The following NEK10 variants were observed in gnomAD, a reference collection of about 807,000 sequenced individuals.
NEK10 encodes the protein NIMA related kinase 10.
NEK10 carries 122 observed loss-of-function variants against 159.8 expected under a neutral mutation model. That is an observed-to-expected ratio of 0.76 (90% CI 0.66 to 0.89). The LOEUF (loss-of-function observed/expected upper bound fraction) is 0.89, where lower values mean the gene tolerates loss of function less well. NEK10 is among the 40% of genes least tolerant of loss of function. The pLI, the probability that NEK10 is intolerant of heterozygous loss-of-function variation, is 0.00. For missense variants in NEK10, 1,342 were observed against 1,323.1 expected, an observed-to-expected ratio of 1.01 and a Z score of -0.22; for synonymous variants, 466 against 457.1, an observed-to-expected ratio of 1.02 and a Z score of -0.25.
At chr3:27,173,279 T>G (rs926801147) in intron 28 of NEK10, among the ~76,000 whole-genome samples, 3 of 152,124 alleles carry the variant, frequency 2.0e-5, no homozygotes, top group Non-Finnish European at 2.9e-5. Flanking sequence ...ATATGCAAAT[T>G]TAAGGGTCAA....
intron 23 of NEK10, among the ~76,000 whole-genome samples, chr3:27,224,235 A>G (rs1952404467): frequency 6.6e-6 from 1 of 152,214 alleles, no homozygotes; most frequent in South Asian, 2.1e-4. Flanking sequence ...TAGCCTGTTC[A>G]ATGGACAGTC....
At chr3:27,242,526 C>T (rs990511998) in intron 23 of NEK10, among the ~76,000 whole-genome samples, 15 of 151,286 alleles carry the variant, frequency 9.9e-5, no homozygotes, top group African/African-American at 3.7e-4. Flanking sequence ...AGGATTGGGC[C>T]CAGGCAATCC....
intron 26 of NEK10, among the ~76,000 whole-genome samples, chr3:27,182,939 G>A (rs1948263991): frequency 1.3e-5 from 2 of 151,836 alleles, no homozygotes; most frequent in South Asian, 4.1e-4. Context: ...GGAGAGGAGA[G>A]GGGGGATAAA....
chr3:27,291,446 A>T, intron 17 of NEK10, 38 bp downstream of exon 17: 9 of 1,603,736 alleles, frequency 5.6e-6, no homozygotes, highest in Non-Finnish European at 7.7e-6. Flanking sequence ...TCCTGACTAC[A>T]TAGCAGCCTG....
At chr3:27,364,990 C>T (rs2149903119) in intron 1 of NEK10, among the ~76,000 whole-genome samples, 1 of 152,256 alleles carries the variant, frequency 6.6e-6, no homozygotes, top group South Asian at 2.1e-4. Flanking sequence ...TGCCAAGGTC[C>T]CACAGCTGGT....
chr3:27,344,672 A>T (rs1162231633), intron 4 of NEK10, among the ~76,000 whole-genome samples: 1 of 152,166 alleles, frequency 6.6e-6, no homozygotes, highest in Non-Finnish European at 1.5e-5. Context: ...TAATGGCTAA[A>T]ATTGGTTGGA....
intron 25 of NEK10, among the ~76,000 whole-genome samples, chr3:27,198,770 G>T (rs1949777957): frequency 6.6e-6 from 1 of 152,004 alleles, no homozygotes; most frequent in Non-Finnish European, 1.5e-5. Context: ...GATACCAAAA[G>T]CAAAAATTGA....
At chr3:27,139,291 T>A (rs766875906) in intron 31 of NEK10, among the ~76,000 whole-genome samples, 4 of 152,168 alleles carry the variant, frequency 2.6e-5, no homozygotes, top group Non-Finnish European at 5.9e-5. Flanking sequence ...TGCCACTCTG[T>A]GTCTGAGAAC....
chr3:27,300,218 T>C (rs35908591), intron 13 of NEK10, among the ~76,000 whole-genome samples: 3,119 of 152,284 alleles, frequency 0.02, 56 homozygotes, highest in Non-Finnish European at 0.029. Context: ...TTTCCTGTGC[T>C]GTTCTCATGA....
chr3:27,166,174 T>A (rs969038554), intron 29 of NEK10, among the ~76,000 whole-genome samples: 5 of 152,190 alleles, frequency 3.3e-5, no homozygotes, highest in African/African-American at 1.2e-4. Context: ...CATAAATATG[T>A]CCTGTGTGAA....
intron 30 of NEK10, among the ~76,000 whole-genome samples, chr3:27,158,167 G>T (rs544470861): frequency 6.6e-6 from 1 of 152,074 alleles, no homozygotes; most frequent in African/African-American, 2.4e-5. Flanking sequence ...TGCAATGAAG[G>T]TGCTTACAAT....
At chr3:27,297,482 T>C (rs2043442060) in intron 13 of NEK10, among the ~76,000 whole-genome samples, 1 of 152,246 alleles carries the variant, frequency 6.6e-6, no homozygotes, top group Non-Finnish European at 1.5e-5. Flanking sequence ...CAACCATTTA[T>C]TGAGCACTTT....
chr3:27,112,124 C>T (rs1218350804), intron 35 of NEK10, among the ~76,000 whole-genome samples: 1 of 152,160 alleles, frequency 6.6e-6, no homozygotes, highest in African/African-American at 2.4e-5. Context: ...TTTCCTAATG[C>T]AGCATTTTAT....
chr3:27,164,628 A>G (rs537982915), intron 29 of NEK10, among the ~76,000 whole-genome samples: 56 of 152,310 alleles, frequency 3.7e-4, no homozygotes, highest in Non-Finnish European at 5.7e-4. Context: ...GCTGCTCAAG[A>G]GTCACATGTG....
chr3:27,332,062 G>A (rs2046457325), intron 5 of NEK10, among the ~76,000 whole-genome samples: 1 of 152,180 alleles, frequency 6.6e-6, no homozygotes, highest in African/African-American at 2.4e-5. Context: ...AGAGGCATAT[G>A]CTGGTTATTC....
At position 27,301,774 on chromosome 3, in the gene NEK10, C is replaced by A; in HGVS notation, c.1090G>T (p.Gly364Cys). The change falls in exon 13 of 36, where the codon GGC (glycine) becomes TGC (cysteine). Residue 364 changes from glycine to cysteine, a missense_variant. By Grantham distance (159) the Gly-to-Cys change is radical. Coordinates refer to ENST00000691995, the MANE Select transcript of NEK10 (RefSeq NM_001394966.1). ...IGSLSSANAA[G>C]RIQQLHLSED... Reference sequence around the variant, plus strand: ...GATAAATGAAGCTGCTGGATTCGGCCTGCAGCATTTGCACTGGACAGGCTT... The same window carrying A: ...GATAAATGAAGCTGCTGGATTCGGCATGCAGCATTTGCACTGGACAGGCTT... The A allele has an allele frequency of 6.4e-7, 1 of 1,563,086 alleles. No individual in the cohort carries two copies.
rs556592153 is a variant in NEK10 at position 27,174,400 on chromosome 3, G to A, written c.2776+39C>T. On this transcript the variant is annotated intron_variant, in intron 28 of 35. Coordinates refer to ENST00000691995, the MANE Select transcript of NEK10 (RefSeq NM_001394966.1). The stretch of plus-strand genomic sequence containing the variant: ...TATGATTTCCAAACCACTGTCTTCC[G>A]GAATCCCACAAACAGCAAATTGATA... The A allele has an allele frequency of 7.1e-5, 114 of 1,607,348 alleles. 2 individuals are homozygous for A. The South Asian group carries it at 1.1e-3, about 15-fold the overall frequency.
intron 19 of NEK10, among the ~76,000 whole-genome samples, chr3:27,289,823 A>C (rs957537941): frequency 6.6e-6 from 1 of 152,218 alleles, no homozygotes; most frequent in Admixed American, 6.5e-5. Flanking sequence ...ACAATTAATG[A>C]TAATATTTAC....
At chr3:27,215,649 G>C (rs1951436466) in intron 23 of NEK10, 2 of 563,572 alleles carry the variant, frequency 3.5e-6, no homozygotes, top group South Asian at 4.9e-5. Flanking sequence ...CATTTAAAGA[G>C]TGTATGAATC....
Sources: allele counts gnomAD v4.1 joint callset (sites outside exome capture counted in the v4.1 genomes callset), GRCh38; gene constraint gnomAD v4.1.1; transcripts MANE v1.5; gene names NCBI Gene and HGNC (gene_info 2026-07-23, HGNC 2026-07-21).